Variants in KCMF1 observed in about 807,000 individuals in gnomAD.
KCMF1 encodes the protein potassium channel modulatory factor 1, also known as E3 ubiquitin-protein ligase KCMF1.
In KCMF1, 3 loss-of-function variants were observed where a neutral mutation model predicts 41.1. That is an observed-to-expected ratio of 0.07 (90% CI 0.03 to 0.19). The LOEUF (loss-of-function observed/expected upper bound fraction) is 0.19, where lower values mean the gene tolerates loss of function less well. Ranked by LOEUF, KCMF1 falls within the 10% of genes least tolerant of loss-of-function variation. The pLI, the probability that KCMF1 is intolerant of heterozygous loss-of-function variation, is 1.00. For synonymous variants in KCMF1, 142 were observed against 164.5 expected, an observed-to-expected ratio of 0.86 and a Z score of 1.04; for missense variants, 286 against 488.9, an observed-to-expected ratio of 0.58 and a Z score of 3.91.
intron 1 of KCMF1, among the ~76,000 whole-genome samples, chr2:85,025,864 G>A (rs1675089850): frequency 1.3e-5 from 2 of 152,110 alleles, no homozygotes; most frequent in Admixed American, 6.6e-5. Flanking sequence ...TATTTAGGAG[G>A]TCTCTATCTA....
At chr2:85,006,295 C>CTTTTTTTTTTTT (rs1163405427) in intron 1 of KCMF1, among the ~76,000 whole-genome samples, 1 of 94,210 alleles carries the variant, frequency 1.1e-5, no homozygotes, top group African/African-American at 4.5e-5. Flanking sequence ...TTCTCATTTT[C>CTTTTTTTTTTTT]TTTTTTTTTT....
intron 1 of KCMF1, among the ~76,000 whole-genome samples, chr2:84,982,115 C>T (rs1044531995): frequency 2.6e-5 from 4 of 152,082 alleles, no homozygotes; most frequent in African/African-American, 9.7e-5. Flanking sequence ...TCTTTTGATA[C>T]TTAGAAAAGA....
At chr2:84,990,287 C>G (rs1674008727) in intron 1 of KCMF1, among the ~76,000 whole-genome samples, 1 of 152,136 alleles carries the variant, frequency 6.6e-6, no homozygotes, top group Admixed American at 6.5e-5. Context: ...GGAGGTATCT[C>G]TAGCACCTAG....
chr2:85,041,669 G>C (rs1675538200), intron 3 of KCMF1, among the ~76,000 whole-genome samples: 1 of 150,720 alleles, frequency 6.6e-6, no homozygotes. Context: ...CCCAGCACTT[G>C]TTAACTTTTT....
At chr2:85,040,499 G>A (rs982678751) in intron 3 of KCMF1, among the ~76,000 whole-genome samples, 2 of 152,080 alleles carry the variant, frequency 1.3e-5, no homozygotes, top group Non-Finnish European at 2.9e-5. Context: ...GCCCCGCTTT[G>A]CTCTCCTTTT....
At chr2:84,989,210 G>A (rs1045219779) in intron 1 of KCMF1, among the ~76,000 whole-genome samples, 2 of 152,150 alleles carry the variant, frequency 1.3e-5, no homozygotes, top group African/African-American at 2.4e-5. Context: ...TATGAGACAG[G>A]TGATTATAAT....
chr2:85,042,110 A>G (rs1328602513), intron 3 of KCMF1, among the ~76,000 whole-genome samples: 1 of 152,188 alleles, frequency 6.6e-6, no homozygotes, highest in Non-Finnish European at 1.5e-5. Context: ...CTTTTGCCTC[A>G]TCACATTCCA....
chr2:85,019,694 G>A (rs1312654043), intron 1 of KCMF1, among the ~76,000 whole-genome samples: 1 of 151,720 alleles, frequency 6.6e-6, no homozygotes. Flanking sequence ...AAGAAACCCT[G>A]CTGTAAACTT....
chr2:85,048,985 A>G (rs1198485469), intron 5 of KCMF1, among the ~76,000 whole-genome samples: 1 of 152,244 alleles, frequency 6.6e-6, no homozygotes, highest in Non-Finnish European at 1.5e-5. Context: ...AGTCAACAGT[A>G]GACCTCATCC....
intron 1 of KCMF1, among the ~76,000 whole-genome samples, chr2:84,993,926 T>G (rs900378191): frequency 8.0e-6 from 1 of 124,884 alleles, no homozygotes; most frequent in African/African-American, 2.7e-5. Flanking sequence ...TGTTTTGTTT[T>G]GTTTTGTTTT....
At chr2:84,995,758 G>T (rs1391402188) in intron 1 of KCMF1, among the ~76,000 whole-genome samples, 1 of 152,122 alleles carries the variant, frequency 6.6e-6, no homozygotes, top group Non-Finnish European at 1.5e-5. Context: ...CAAAACAAGC[G>T]TGGGCAATAC....
At chr2:84,985,556 C>T (rs1673879936) in intron 1 of KCMF1, among the ~76,000 whole-genome samples, 3 of 150,668 alleles carry the variant, frequency 2.0e-5, no homozygotes, top group Admixed American at 6.6e-5. Flanking sequence ...CCTGGCCTGG[C>T]GCGGTGGCTC....
At chr2:85,039,169 A>ATTATAAT (rs1675468182) in intron 3 of KCMF1, among the ~76,000 whole-genome samples, 1 of 152,266 alleles carries the variant, frequency 6.6e-6, no homozygotes, top group African/African-American at 2.4e-5. Flanking sequence ...GGATTAGTCC[A>ATTATAAT]TGGTAACAAA....
chr2:84,997,764 C>CTTTTTTTTTT (rs112460793), intron 1 of KCMF1, among the ~76,000 whole-genome samples: 6 of 80,248 alleles, frequency 7.5e-5, no homozygotes, highest in East Asian at 4.5e-4. Context: ...AATACATTTT[C>CTTTTTTTTTT]TTTTTTTTTT....
intron 1 of KCMF1, among the ~76,000 whole-genome samples, chr2:85,013,547 C>T (rs1472827437): frequency 6.6e-6 from 1 of 152,082 alleles, no homozygotes; most frequent in Non-Finnish European, 1.5e-5. Context: ...TGCTTGTAAT[C>T]CCAGCACTTT....
At chr2:84,973,554 A>G (rs59579068) in intron 1 of KCMF1, among the ~76,000 whole-genome samples, 23,794 of 152,106 alleles carry the variant, frequency 0.16, 2,878 homozygotes, top group East Asian at 0.35. Flanking sequence ...TTATAGTACA[A>G]TATTCGACAA....
chr2:85,019,299 T>C (rs535146056), intron 1 of KCMF1, among the ~76,000 whole-genome samples: 1 of 152,282 alleles, frequency 6.6e-6, no homozygotes, highest in South Asian at 2.1e-4. Flanking sequence ...GTCTGTGTCA[T>C]AAAATGACAC....
intron 1 of KCMF1, among the ~76,000 whole-genome samples, chr2:85,017,217 G>A (rs1451598817): frequency 2.0e-5 from 3 of 151,394 alleles, no homozygotes; most frequent in African/African-American, 7.3e-5. Flanking sequence ...TAGTAGAGAC[G>A]GGGTTTCACC....
intron 1 of KCMF1, among the ~76,000 whole-genome samples, chr2:84,974,774 T>G (rs1673503297): frequency 7.2e-6 from 1 of 138,868 alleles, no homozygotes. Flanking sequence ...GGCGTGATCT[T>G]GGCTCACTGC....
Sources: gnomAD v4.1 joint callset for allele counts (sites outside exome capture counted in the v4.1 genomes callset) on GRCh38, gnomAD v4.1.1 for gene constraint, MANE v1.5 for transcripts, NCBI Gene and HGNC (gene_info 2026-07-23, HGNC 2026-07-21) for gene names.